Variants in MTPN observed in about 807,000 individuals in gnomAD.
The protein encoded by MTPN is myotrophin.
In MTPN, 2 loss-of-function variants were observed where a neutral mutation model predicts 13.5. That is an observed-to-expected ratio of 0.15 (90% confidence interval 0.06 to 0.47). The LOEUF is 0.47. MTPN is among the 20% of genes least tolerant of loss of function. MTPN has a pLI of 0.97. For missense variants in MTPN, 79 were observed against 137.9 expected (o/e 0.57, Z 2.14); for synonymous variants, 46 against 51.7 (o/e 0.89, Z 0.48).
At chr7:135,935,032 A>T (rs1799093150) in intron 3 of MTPN, among the ~76,000 whole-genome samples, 1 of 152,164 alleles carries the variant, frequency 6.6e-6, no homozygotes, top group African/African-American at 2.4e-5. Flanking sequence ...TGAATCTGTA[A>T]TCTTTTCCTA....
At position 135,949,406 on chromosome 7, in the gene MTPN, A is replaced by AT. The variant is rs537252251; in HGVS notation, c.270+1192dup. ...GAGCACACCCTATCACAGATGCTGGATCCACTAGCGGCAAAGAGTAATATT... is the reference window on the plus strand; with the variant it reads ...GAGCACACCCTATCACAGATGCTGGATTCCACTAGCGGCAAAGAGTAATATT... On this transcript the variant is annotated intron_variant, in intron 3 of 3. Transcript: ENST00000393085. Among the ~76,000 whole-genome samples the AT allele has an allele frequency of 8.5e-5, 13 of 152,306 alleles. No homozygotes were observed. The South Asian group carries it at 2.3e-3, about 27-fold the overall frequency.
chr7:135,974,927 A>T (rs536054054), intron 1 of MTPN, among the ~76,000 whole-genome samples: 1 of 152,384 alleles, frequency 6.6e-6, no homozygotes, highest in East Asian at 1.9e-4. Flanking sequence ...TCTCATTAAC[A>T]AAGTGAAAGA....
intron 1 of MTPN, among the ~76,000 whole-genome samples, chr7:135,968,886 CT>C (rs1478585855): frequency 6.6e-6 from 1 of 151,708 alleles, no homozygotes; most frequent in Non-Finnish European, 1.5e-5. Flanking sequence ...ATACTAAAAC[CT>C]ATTTTGAAAC....
chr7:135,945,143 G>A (rs1799272060), intron 3 of MTPN, among the ~76,000 whole-genome samples: 2 of 152,130 alleles, frequency 1.3e-5, no homozygotes, highest in African/African-American at 4.8e-5. Flanking sequence ...CACCTGTATA[G>A]GGCACTCATC....
At chr7:135,933,081 C>T (rs1485301988) in intron 3 of MTPN, among the ~76,000 whole-genome samples, 1 of 109,902 alleles carries the variant, frequency 9.1e-6, no homozygotes, top group African/African-American at 3.7e-5. Context: ...GGCAACTGAG[C>T]AAGACTCACT....
intron 3 of MTPN, among the ~76,000 whole-genome samples, chr7:135,930,820 A>C (rs34466594): frequency 0.13 from 19,399 of 152,124 alleles, 1,413 homozygotes; most frequent in East Asian, 0.16. Context: ...CCCAGAGACA[A>C]CATCCTACCA....
At chr7:135,936,701 A>G (rs1373577837) in intron 3 of MTPN, among the ~76,000 whole-genome samples, 1 of 152,212 alleles carries the variant, frequency 6.6e-6, no homozygotes, top group African/African-American at 2.4e-5. Flanking sequence ...TATTGCTGAC[A>G]TCTGATTACA....
intron 3 of MTPN, among the ~76,000 whole-genome samples, chr7:135,936,077 T>C (rs1799111058): frequency 6.6e-6 from 1 of 152,206 alleles, no homozygotes. Context: ...ACTGATTGTT[T>C]TACATATTTG....
chr7:135,959,738 T>C (rs902171517), intron 1 of MTPN, among the ~76,000 whole-genome samples: 2 of 152,072 alleles, frequency 1.3e-5, no homozygotes, highest in Non-Finnish European at 2.9e-5. Context: ...CCCACTGAGT[T>C]ATTTGCTTTT....
At chr7:135,967,657 G>T (rs1799626573) in intron 1 of MTPN, among the ~76,000 whole-genome samples, 1 of 152,154 alleles carries the variant, frequency 6.6e-6, no homozygotes, top group South Asian at 2.1e-4. Flanking sequence ...ATGCTGATTA[G>T]TAACAACAGC....
intron 1 of MTPN, among the ~76,000 whole-genome samples, chr7:135,962,241 A>T (rs1799535327): frequency 6.6e-6 from 1 of 151,938 alleles, no homozygotes; most frequent in South Asian, 2.1e-4. Context: ...AATGCAATTA[A>T]TTAGATTAGA....
intron 3 of MTPN, among the ~76,000 whole-genome samples, chr7:135,939,595 C>G (rs1026064598): frequency 0.053 from 313 of 5,886 alleles, no homozygotes; most frequent in Middle Eastern, 0.1. Flanking sequence ...GGGGCGGGTG[C>G]GTGGGGCGGG....
chr7:135,948,301 C>T (rs894161203), intron 3 of MTPN, among the ~76,000 whole-genome samples: 5 of 152,104 alleles, frequency 3.3e-5, no homozygotes, highest in African/African-American at 7.2e-5. Context: ...CTAAAATGTA[C>T]TATGCTGATT....
At chr7:135,955,821 T>C (rs1175250585) in intron 1 of MTPN, among the ~76,000 whole-genome samples, 1 of 149,518 alleles carries the variant, frequency 6.7e-6, no homozygotes. Flanking sequence ...AGCCATATGA[T>C]TGACCATCTC....
intron 3 of MTPN, among the ~76,000 whole-genome samples, chr7:135,933,679 C>T (rs1316381437): frequency 1.3e-5 from 2 of 152,182 alleles, no homozygotes; most frequent in African/African-American, 4.8e-5. Context: ...ATGCAATCCT[C>T]ACAAATGACT....
chr7:135,947,732 T>C (rs1459219499), intron 3 of MTPN, among the ~76,000 whole-genome samples: 1 of 152,058 alleles, frequency 6.6e-6, no homozygotes, highest in Admixed American at 6.6e-5. Context: ...TTCCATTACA[T>C]TGTATTTGAC....
At chr7:135,949,353 G>A (rs998545) in intron 3 of MTPN, among the ~76,000 whole-genome samples, 1 of 152,130 alleles carries the variant, frequency 6.6e-6, no homozygotes, top group Non-Finnish European at 1.5e-5. Context: ...GAACAGTAAA[G>A]AGAAAGACAG....
At chr7:135,960,859 T>C (rs530789418) in intron 1 of MTPN, 8 of 151,176 alleles carry the variant, frequency 5.3e-5, no homozygotes, top group African/African-American at 1.9e-4. Flanking sequence ...TTAGAAAACA[T>C]CTACAGAGTA....
intron 1 of MTPN, among the ~76,000 whole-genome samples, chr7:135,958,860 T>G (rs1027781965): frequency 6.6e-6 from 1 of 152,152 alleles, no homozygotes; most frequent in Non-Finnish European, 1.5e-5. Context: ...AGGATATCTC[T>G]GAAACATTCA....
Sources: gnomAD v4.1 joint callset for allele counts (sites outside exome capture counted in the v4.1 genomes callset) on GRCh38, gnomAD v4.1.1 for gene constraint, MANE v1.5 for transcripts, NCBI Gene and HGNC (gene_info 2026-07-23, HGNC 2026-07-21) for gene names.